The following UGT1A10 variants were observed in gnomAD, a reference collection of about 807,000 sequenced individuals.
UGT1A10 encodes the protein UDP-glucuronosyltransferase 1A10.
In UGT1A10, 49 loss-of-function variants were observed where a neutral mutation model predicts 45.8. The ratio of observed to expected loss-of-function variants is 1.07; its 90% CI spans 0.85 to 1.36. UGT1A10 has a LOEUF of 1.36. Ranked by LOEUF, UGT1A10 falls within the 40% of genes most tolerant of loss-of-function variation. The pLI, the probability that UGT1A10 is intolerant of heterozygous loss-of-function variation, is 0.00. For synonymous variants in UGT1A10, 284 were observed against 249.7 expected (o/e 1.14, Z -1.29); for missense variants, 745 against 668.6 (o/e 1.11, Z -1.26).
At chr2:233,657,841 T>G (rs1241699167) in intron 1 of UGT1A10, among the ~76,000 whole-genome samples, 1 of 152,176 alleles carries the variant, frequency 6.6e-6, no homozygotes, top group East Asian at 1.9e-4. Context: ...TTTAAGAAAT[T>G]GGGTTTTCTC....
chr2:233,687,359 T>A (rs746779775), intron 1 of UGT1A10, among the ~76,000 whole-genome samples: 3 of 152,136 alleles, frequency 2.0e-5, no homozygotes, highest in Non-Finnish European at 4.4e-5. Flanking sequence ...ATGGGTGGAC[T>A]GTCTCCTTAG....
At chr2:233,728,474 GATC>G (rs1486985053) in intron 1 of UGT1A10, among the ~76,000 whole-genome samples, 1 of 152,138 alleles carries the variant, frequency 6.6e-6, no homozygotes, top group Non-Finnish European at 1.5e-5. Flanking sequence ...CCAAGAATCT[GATC>G]ATCACATCTT....
Position 233,636,894 on chromosome 2 carries a change from C to T in UGT1A10, c.372C>T (p.Cys124=), listed in dbSNP as rs1245268030. The part of the protein sequence containing the change: ...SGFLDLFFSH[C]RSLFNDRKLV... ...TTCTTGACTTATTTTTTTCGCATTG[C>T]AGGAGTTTGTTTAATGACCGAAAAT... Residue 124 remains cysteine, a synonymous_variant, in exon 1 of 5, where the codon TGC becomes TGT. Coordinates refer to ENST00000344644, the MANE Select transcript of UGT1A10 (RefSeq NM_019075.4). 5.6e-6 allele frequency: 9 copies of T among 1,614,046 alleles called. No homozygotes were observed. The highest frequency in any genetic ancestry group is 7.6e-6 in the Non-Finnish European group (9 of 1,179,994).
At chr2:233,755,176 G>A in intron 1 of UGT1A10, 1 of 1,238,182 alleles carries the variant, frequency 8.1e-7, no homozygotes, top group South Asian at 1.2e-5. Flanking sequence ...TTTTTGTCGG[G>A]GTGCCACTTG....
intron 1 of UGT1A10, among the ~76,000 whole-genome samples, chr2:233,742,480 C>T (rs1691993513): frequency 6.6e-6 from 1 of 151,918 alleles, no homozygotes; most frequent in Non-Finnish European, 1.5e-5. Flanking sequence ...AACTCACAAC[C>T]TTCAGCATAG....
intron 1 of UGT1A10, among the ~76,000 whole-genome samples, chr2:233,686,411 G>A (rs1479492312): frequency 6.6e-6 from 1 of 152,120 alleles, no homozygotes; most frequent in African/African-American, 2.4e-5. Flanking sequence ...ATTAAGGTGT[G>A]CAGATAAACA....
intron 1 of UGT1A10, among the ~76,000 whole-genome samples, chr2:233,662,398 C>A (rs187155998): frequency 1.2e-4 from 19 of 152,244 alleles, no homozygotes; most frequent in African/African-American, 4.6e-4. Context: ...TTTATTGCAA[C>A]AAATCTGCCC....
intron 1 of UGT1A10, chr2:233,682,258 T>C: frequency 6.2e-7 from 1 of 1,614,214 alleles, no homozygotes; most frequent in South Asian, 1.1e-5. Flanking sequence ...GTGCATTTTC[T>C]CTATTAACAA....
intron 1 of UGT1A10, among the ~76,000 whole-genome samples, chr2:233,642,809 C>G (rs1575395437): frequency 6.6e-6 from 1 of 152,200 alleles, no homozygotes; most frequent in East Asian, 1.9e-4. Flanking sequence ...ATCCAAGATA[C>G]TTCTCTGGAT....
At chr2:233,728,892 C>T (rs781127697) in intron 1 of UGT1A10, among the ~76,000 whole-genome samples, 15 of 152,110 alleles carry the variant, frequency 9.9e-5, no homozygotes, top group Non-Finnish European at 2.2e-4. Context: ...CCAGAGTGAG[C>T]ACAGGGTCAG....
At chr2:233,660,397 G>A (rs1185535739) in intron 1 of UGT1A10, among the ~76,000 whole-genome samples, 1 of 152,156 alleles carries the variant, frequency 6.6e-6, no homozygotes, top group Non-Finnish European at 1.5e-5. Context: ...TGAATTCATG[G>A]GGTTCTGGAT....
At chr2:233,666,997 G>C (rs2074092682) in intron 1 of UGT1A10, among the ~76,000 whole-genome samples, 2 of 152,120 alleles carry the variant, frequency 1.3e-5, no homozygotes, top group Non-Finnish European at 2.9e-5. Context: ...TTTTATGGCT[G>C]CATAGTATTC....
intron 1 of UGT1A10, among the ~76,000 whole-genome samples, chr2:233,651,350 C>T (rs2073736150): frequency 6.6e-6 from 1 of 151,956 alleles, no homozygotes. Flanking sequence ...TATCACCTAT[C>T]ATGTTAAGAT....
Position 233,745,246 on chromosome 2 carries a change from G to A in UGT1A10, c.856-21788G>A, listed in dbSNP as rs148872010. Among the ~76,000 whole-genome samples, 467 of 151,884 alleles carry A rather than the reference G, an allele frequency of 3.1e-3. 15 individuals are homozygous for A. The highest frequency in any genetic ancestry group is 0.011 in the African/African-American group (453 of 41,220). ...GAAATACAGCACTATTTACTGTATCGAAACCATTAAGACTTGCAGGCCGTG... is the reference window on the plus strand; with the variant it reads ...GAAATACAGCACTATTTACTGTATCAAAACCATTAAGACTTGCAGGCCGTG... On this transcript the variant is annotated intron_variant, in intron 1 of 4. Coordinates refer to ENST00000344644, the MANE Select transcript of UGT1A10 (RefSeq NM_019075.4).
chr2:233,757,115 C>G lies in UGT1A10; in HGVS notation c.856-9919C>G, dbSNP rs11568319. ...CAGAGGGAGGGGGCAAGCAGAAGGG[C>G]TAGAGAGGAGGAATGAGCTTGGACA... On this transcript the variant is annotated intron_variant, in intron 1 of 4. Transcript: ENST00000344644. 7.2e-4 allele frequency among the ~76,000 whole-genome samples: 109 copies of G among 150,950 alleles called. 1 individual carries two copies. In the East Asian group the frequency reaches 0.02, roughly 28 times the overall value.
At chr2:233,724,328 G>T (rs1446487590) in intron 1 of UGT1A10, among the ~76,000 whole-genome samples, 9 of 147,968 alleles carry the variant, frequency 6.1e-5, no homozygotes, top group South Asian at 2.3e-4. Context: ...CGGCTGGCCA[G>T]GCGGGGGGCT....
At chr2:233,658,829 C>A (rs2073907950) in intron 1 of UGT1A10, among the ~76,000 whole-genome samples, 1 of 152,160 alleles carries the variant, frequency 6.6e-6, no homozygotes, top group Admixed American at 6.5e-5. Context: ...TTCCATTGAT[C>A]CAGTTGTGAA....
At position 233,767,472 on chromosome 2, in the gene UGT1A10, A is replaced by G. The variant is rs1018124; in HGVS notation, c.987+307A>G. 0.091 allele frequency among the ~76,000 whole-genome samples: 13,872 copies of G among 152,248 alleles called. 828 individuals carry two copies. The highest frequency in any genetic ancestry group is 0.2 in the East Asian group (1,015 of 5,184). On this transcript the variant is annotated intron_variant, in intron 2 of 4. Coordinates refer to ENST00000344644, the MANE Select transcript of UGT1A10 (RefSeq NM_019075.4). ...AATAAATGGGATATTGTTTCTTCAT[A>G]TTAAATAGAAGTATTTCTCCAAAAA...
At chr2:233,727,897 G>A (rs1306526178) in intron 1 of UGT1A10, among the ~76,000 whole-genome samples, 1 of 152,194 alleles carries the variant, frequency 6.6e-6, no homozygotes, top group Non-Finnish European at 1.5e-5. Flanking sequence ...GACACGGCCA[G>A]GCAAGAAGAC....
Sources: gnomAD v4.1 joint callset for allele counts (sites outside exome capture counted in the v4.1 genomes callset) on GRCh38, gnomAD v4.1.1 for gene constraint, MANE v1.5 for transcripts, NCBI Gene and HGNC (gene_info 2026-07-23, HGNC 2026-07-21) for gene names.